Variants in NAALADL2 observed in about 807,000 individuals in gnomAD.
NAALADL2 encodes the protein N-acetylated alpha-linked acidic dipeptidase like 2.
A neutral mutation model predicts 87.2 loss-of-function variants in NAALADL2; 76 were observed. That is an observed-to-expected ratio of 0.87 (90% CI 0.72 to 1.05). NAALADL2 has a LOEUF of 1.05. Ranked by LOEUF, NAALADL2 falls within the 50% of genes least tolerant of loss-of-function variation. The pLI, the probability that NAALADL2 is intolerant of heterozygous loss-of-function variation, is 0.00. For missense variants in NAALADL2, 1,089 were observed against 945.8 expected (o/e 1.15, Z -1.99); for synonymous variants, 354 against 331.0 (o/e 1.07, Z -0.75).
At chr3:175,116,735 C>A (rs9873388) in intron 2 of NAALADL2, among the ~76,000 whole-genome samples, 84,770 of 151,276 alleles carry the variant, frequency 0.56, 23,783 homozygotes, top group African/African-American at 0.6. Context: ...AAAACAAAAC[C>A]ACAACAACAA....
chr3:175,291,507 A>G (rs1252780246), intron 4 of NAALADL2, among the ~76,000 whole-genome samples: 3 of 152,184 alleles, frequency 2.0e-5, no homozygotes, highest in African/African-American at 7.2e-5. Context: ...CAACTCATAT[A>G]TACCTAGCCA....
At chr3:174,531,347 G>GT (rs1040116058) in intron 1 of NAALADL2, among the ~76,000 whole-genome samples, 2 of 151,916 alleles carry the variant, frequency 1.3e-5, no homozygotes, top group Non-Finnish European at 2.9e-5. Context: ...GCACTCATCG[G>GT]TGCAAGAGTG....
At chr3:174,946,452 TTTAG>T (rs1160667743) in intron 1 of NAALADL2, among the ~76,000 whole-genome samples, 2 of 152,166 alleles carry the variant, frequency 1.3e-5, no homozygotes, top group African/African-American at 4.8e-5. Context: ...TCTGTTTTCT[TTTAG>T]TTAAACAGGG....
rs779567135 is a variant in NAALADL2, at chr3:175,241,855, AT to A, written c.819+7673del. Among the ~76,000 whole-genome samples the A allele has an allele frequency of 9.3e-3, 776 of 83,784 alleles. 14 individuals are homozygous for A. The highest frequency in any genetic ancestry group is 0.032 in the African/African-American group (697 of 21,518). The allele number at this position is 83,784 out of a possible 152,430, so 55.0% of individuals were successfully genotyped here. ...TAGTGAGAAAGTATCTGGATGCTGA[AT>A]TTTTTTTTTTTTTTTTTTTTTCTTG... On this transcript the variant is annotated intron_variant, in intron 3 of 13. Transcript: ENST00000454872.
At chr3:174,485,418 AT>A (rs36055156) in intron 1 of NAALADL2, among the ~76,000 whole-genome samples, 2 of 149,272 alleles carry the variant, frequency 1.3e-5, no homozygotes, top group Non-Finnish European at 3.0e-5. Context: ...AGTACCCATT[AT>A]TTTTTTTTTC....
At chr3:175,054,457 G>C (rs1352512322) in intron 1 of NAALADL2, among the ~76,000 whole-genome samples, 2 of 152,160 alleles carry the variant, frequency 1.3e-5, no homozygotes, top group Non-Finnish European at 2.9e-5. Flanking sequence ...TGAATTGATA[G>C]CTCTTAAGTC....
At chr3:174,999,314 G>A (rs1326036292) in intron 1 of NAALADL2, among the ~76,000 whole-genome samples, 9 of 152,040 alleles carry the variant, frequency 5.9e-5, no homozygotes, top group African/African-American at 2.2e-4. Context: ...CTAATAGGGG[G>A]AAAATTGTAT....
intron 11 of NAALADL2, among the ~76,000 whole-genome samples, chr3:175,701,273 T>G (rs1738957776): frequency 6.6e-6 from 1 of 152,120 alleles, no homozygotes; most frequent in Non-Finnish European, 1.5e-5. Flanking sequence ...TGGTCTTGTG[T>G]AGAAAGTGGG....
intron 9 of NAALADL2, among the ~76,000 whole-genome samples, chr3:175,508,828 TC>T (rs35987420): frequency 0.016 from 2,374 of 152,020 alleles, 74 homozygotes; most frequent in Admixed American, 0.065. Flanking sequence ...GTCTTTAAGA[TC>T]AGAGGACTAT....
intron 5 of NAALADL2, among the ~76,000 whole-genome samples, chr3:175,429,600 C>A (rs1174237374): frequency 6.6e-6 from 1 of 151,814 alleles, no homozygotes; most frequent in Non-Finnish European, 1.5e-5. Context: ...ATTTTCTGAC[C>A]CCAAATCCAT....
intron 2 of NAALADL2, among the ~76,000 whole-genome samples, chr3:175,127,434 C>T (rs1315243878): frequency 6.6e-6 from 1 of 152,078 alleles, no homozygotes; most frequent in East Asian, 1.9e-4. Context: ...CATGGGACAC[C>T]TTTGGGCATC....
At chr3:175,439,213 G>A (rs1232133084) in intron 5 of NAALADL2, among the ~76,000 whole-genome samples, 1 of 151,988 alleles carries the variant, frequency 6.6e-6, no homozygotes, top group Admixed American at 6.6e-5. Flanking sequence ...GTATTCCGTG[G>A]TATACACATA....
chr3:175,607,829 C>A (rs1238156953), intron 10 of NAALADL2, among the ~76,000 whole-genome samples: 1 of 151,574 alleles, frequency 6.6e-6, no homozygotes, highest in African/African-American at 2.4e-5. Context: ...GAGTTTTAAT[C>A]CAAGTGATTC....
Position 174,651,246 on chromosome 3 carries a change from C to T in NAALADL2, c.-114-86395C>T, listed in dbSNP as rs114260336. Among the ~76,000 whole-genome samples, 1,434 of 152,110 alleles carry T rather than the reference C, an allele frequency of 9.4e-3. 22 individuals are homozygous for T. Among genetic ancestry groups the T allele is most frequent in the African/African-American group, 0.033 (1,367 of 41,498 alleles). ...GCTCGTAATTAAGTTCCTTGGTTAC[C>T]AACACAATTGCTGCTTAATGCCTAT... On this transcript the variant is annotated intron_variant, in intron 2 of 3. Coordinates refer to the NAALADL2 transcript ENST00000434257.
chr3:175,794,319 T>G (rs1281471302), intron 13 of NAALADL2, among the ~76,000 whole-genome samples: 1 of 148,342 alleles, frequency 6.7e-6, no homozygotes, highest in Non-Finnish European at 1.5e-5. Context: ...TACATAGAGA[T>G]AAGATGAAAG....
chr3:175,119,820 T>A (rs941418057), intron 2 of NAALADL2, among the ~76,000 whole-genome samples: 4 of 146,164 alleles, frequency 2.7e-5, no homozygotes, highest in African/African-American at 9.9e-5. Flanking sequence ...TATATAAAAG[T>A]ATATATATAA....
intron 2 of NAALADL2, among the ~76,000 whole-genome samples, chr3:174,681,435 T>G (rs147968916): frequency 1.3e-3 from 198 of 152,108 alleles, no homozygotes; most frequent in African/African-American, 4.5e-3. Flanking sequence ...GAAAGACACC[T>G]TCCCTCTGCC....
chr3:174,728,471 T>C (rs966744494), intron 2 of NAALADL2, among the ~76,000 whole-genome samples: 1 of 152,058 alleles, frequency 6.6e-6, no homozygotes, highest in Non-Finnish European at 1.5e-5. Flanking sequence ...GTAGCCTTTT[T>C]GTAAGTACTT....
At chr3:175,424,213 G>C (rs1278409503) in intron 5 of NAALADL2, among the ~76,000 whole-genome samples, 3 of 152,136 alleles carry the variant, frequency 2.0e-5, no homozygotes, top group Non-Finnish European at 2.9e-5. Flanking sequence ...TAGGTTGCCT[G>C]TTCACTCTAA....
Sources: allele counts gnomAD v4.1 joint callset (sites outside exome capture counted in the v4.1 genomes callset), GRCh38; gene constraint gnomAD v4.1.1; transcripts MANE v1.5; gene names NCBI Gene and HGNC (gene_info 2026-07-23, HGNC 2026-07-21).